SLC23A2: variants seen among roughly 807,000 people sequenced by gnomAD.
SLC23A2 encodes solute carrier family 23 member 2.
In SLC23A2, 36 loss-of-function variants were observed where a neutral mutation model predicts 73.3. That is an observed-to-expected ratio of 0.49 (90% confidence interval 0.38 to 0.65). The LOEUF (loss-of-function observed/expected upper bound fraction) is 0.65. Ranked by LOEUF, SLC23A2 falls within the 30% of genes least tolerant of loss-of-function variation. SLC23A2 has a pLI of 0.00. For missense variants in SLC23A2, 507 were observed against 841.6 expected (o/e 0.60, Z 4.92); for synonymous variants, 343 against 327.3 (o/e 1.05, Z -0.52).
At chr20:4,967,907 G>A (rs2087499511) in intron 2 of SLC23A2, among the ~76,000 whole-genome samples, 1 of 152,200 alleles carries the variant, frequency 6.6e-6, no homozygotes, top group African/African-American at 2.4e-5. Flanking sequence ...TCACCTGTAT[G>A]TTATTAATGA....
intron 2 of SLC23A2, among the ~76,000 whole-genome samples, chr20:4,955,880 G>T (rs16990455): frequency 0.044 from 6,620 of 151,510 alleles, 450 homozygotes; most frequent in African/African-American, 0.15. Context: ...AGCAGCTTAT[G>T]GTGGTAATCT....
rs905646816 is a variant in SLC23A2, at chr20:4,868,356, G to T, written c.1251-481C>A. 6.6e-6 allele frequency among the ~76,000 whole-genome samples: 1 copy of T among 152,188 alleles called. No homozygotes were observed. The highest frequency in any genetic ancestry group is 2.4e-5 in the African/African-American group (1 of 41,444). On this transcript the variant is annotated intron_variant, in intron 12 of 16. Transcript: ENST00000338244. This position sits in a 1 kb window ranked among gnomAD's most constrained non-coding sequence, Gnocchi z 4.4. ...CCCAAAATGTTGGGATTACAGGCGT[G>T]AGCCACTGTGCCCGGCCAGAATCTG...
chr20:4,937,934 G>A (rs1013363052), intron 2 of SLC23A2, among the ~76,000 whole-genome samples: 1 of 151,716 alleles, frequency 6.6e-6, no homozygotes, highest in Non-Finnish European at 1.5e-5. Context: ...TCTAACATAT[G>A]CACTTCTATT....
intron 2 of SLC23A2, among the ~76,000 whole-genome samples, chr20:4,965,983 A>AAAAG (rs2087468458): frequency 6.6e-6 from 1 of 150,908 alleles, no homozygotes. Context: ...AAAAAAAAAA[A>AAAAG]GGGAAGATCA....
chr20:4,931,068 G>GGA (rs1357018245), intron 3 of SLC23A2, among the ~76,000 whole-genome samples: 1 of 75,078 alleles, frequency 1.3e-5, no homozygotes, highest in African/African-American at 4.7e-5. Flanking sequence ...ATTTTTTTAA[G>GGA]AAAAAAAAAA....
chr20:4,914,688 C>T (rs1932265840), intron 3 of SLC23A2, among the ~76,000 whole-genome samples: 1 of 151,836 alleles, frequency 6.6e-6, no homozygotes. Flanking sequence ...CATAAATGTC[C>T]ATCAAAAAGA....
At chr20:4,943,872 C>T (rs566630014) in intron 2 of SLC23A2, among the ~76,000 whole-genome samples, 2 of 152,052 alleles carry the variant, frequency 1.3e-5, no homozygotes, top group African/African-American at 2.4e-5. Flanking sequence ...CTGACGTGCC[C>T]GACAGCACAA....
chr20:4,984,955 G>T (rs59510280), intron 1 of SLC23A2, among the ~76,000 whole-genome samples: 2,053 of 152,180 alleles, frequency 0.013, 48 homozygotes, highest in African/African-American at 0.047. Flanking sequence ...TGGCCAACAC[G>T]GTGAAACCCT....
At position 4,857,596 on chromosome 20, in the gene SLC23A2, G is replaced by A. The variant is rs1929777270; in HGVS notation, c.1721-392C>T. Among the ~76,000 whole-genome samples, 1 of 152,062 alleles carries A rather than the reference G, an allele frequency of 6.6e-6. No individual in the cohort carries two copies. Among genetic ancestry groups the A allele is most frequent in the Admixed American group, 6.6e-5 (1 of 15,258 alleles). ...TATCGGTCTCCCATCTGGTTACCTA[G>A]TCTTCTGGCTCATCACCTCCTGCCC... is the stretch of plus-strand genomic sequence containing the variant. On this transcript the variant is annotated intron_variant, in intron 16 of 16. Transcript: ENST00000338244. The surrounding 1 kb of genome is among the most constrained non-coding windows in gnomAD (Gnocchi z 4.0).
chr20:4,994,934 CAAAAAAAAAAA>C (rs2087994363), intron 1 of SLC23A2, among the ~76,000 whole-genome samples: 1 of 138,210 alleles, frequency 7.2e-6, no homozygotes, highest in African/African-American at 2.6e-5. Context: ...AACTCTGTCT[CAAAAAAAAAAA>C]GAAAAAAGAA....
chr20:4,993,012 C>T (rs1021466029), intron 1 of SLC23A2, among the ~76,000 whole-genome samples: 6 of 151,882 alleles, frequency 4.0e-5, no homozygotes, highest in African/African-American at 1.4e-4. Flanking sequence ...GGCGCAGTGG[C>T]TCATGCCTGT....
intron 11 of SLC23A2, among the ~76,000 whole-genome samples, chr20:4,870,876 C>T (rs1340351785): frequency 3.9e-5 from 6 of 152,148 alleles, no homozygotes; most frequent in Non-Finnish European, 5.9e-5. Flanking sequence ...ACTATAATAC[C>T]AGAACCTTAT....
intron 1 of SLC23A2, among the ~76,000 whole-genome samples, chr20:4,986,589 C>T (rs914612137): frequency 6.6e-6 from 1 of 151,324 alleles, no homozygotes; most frequent in African/African-American, 2.4e-5. Context: ...GCTGGGATTA[C>T]AGGCATGAGT....
chr20:4,980,636 T>A (rs1435849119), intron 1 of SLC23A2, among the ~76,000 whole-genome samples: 1 of 151,828 alleles, frequency 6.6e-6, no homozygotes, highest in Admixed American at 6.6e-5. Flanking sequence ...GTTCAAGTGA[T>A]CCTCCTGTGT....
intron 4 of SLC23A2, among the ~76,000 whole-genome samples, chr20:4,909,095 G>T (rs534455214): frequency 1.3e-5 from 2 of 152,274 alleles, no homozygotes; most frequent in South Asian, 4.1e-4. Context: ...ACAGTAAAAT[G>T]TTAACATCTG....
At chr20:4,979,649 G>T (rs1014696105) in intron 1 of SLC23A2, among the ~76,000 whole-genome samples, 1 of 152,140 alleles carries the variant, frequency 6.6e-6, no homozygotes, top group African/African-American at 2.4e-5. Context: ...AAAGGTGGCA[G>T]CTGATTGTTC....
intron 1 of SLC23A2, among the ~76,000 whole-genome samples, chr20:4,976,636 T>C (rs1369241575): frequency 5.4e-5 from 8 of 147,328 alleles, no homozygotes; most frequent in Non-Finnish European, 1.2e-4. Context: ...GATCATGGCA[T>C]TGCACTCCAG....
intron 1 of SLC23A2, among the ~76,000 whole-genome samples, chr20:4,993,399 T>C (rs2087962271): frequency 1.0e-5 from 1 of 96,728 alleles, no homozygotes; most frequent in African/African-American, 3.3e-5. Flanking sequence ...AGTGCAAATA[T>C]GCCAAAATCC....
intron 2 of SLC23A2, among the ~76,000 whole-genome samples, chr20:4,954,643 G>C (rs1173569046): frequency 6.9e-6 from 1 of 145,052 alleles, no homozygotes; most frequent in Non-Finnish European, 1.5e-5. Context: ...GGTTGCAGTT[G>C]AGCCGAGATT....
Sources: gnomAD v4.1 joint callset for allele counts (sites outside exome capture counted in the v4.1 genomes callset) on GRCh38, gnomAD v4.1.1 for gene constraint, Gnocchi (gnomAD v3.1) non-coding constraint, MANE v1.5 for transcripts, NCBI Gene and HGNC (gene_info 2026-07-23, HGNC 2026-07-21) for gene names.